GLI2: variants seen among roughly 807,000 people sequenced by gnomAD.
GLI2 encodes transcription activator GLI2.
In GLI2, 22 loss-of-function variants were observed where a neutral mutation model predicts 78.9. That is an observed-to-expected ratio of 0.28 (90% CI 0.20 to 0.40). The LOEUF is 0.40. Ranked by LOEUF, GLI2 falls within the 10% of genes least tolerant of loss-of-function variation. The pLI is 1.00. For missense variants in GLI2, 2,097 were observed against 2,213.2 expected (o/e 0.95, Z 1.05); for synonymous variants, 974 against 963.7 (o/e 1.01, Z -0.20).
chr2:120,930,209 A>AGT (rs757355406), intron 3 of GLI2, among the ~76,000 whole-genome samples: 2 of 152,202 alleles, frequency 1.3e-5, no homozygotes, highest in Non-Finnish European at 2.9e-5. Context: ...CACCACCAGA[A>AGT]GTGTAGGAAG....
At chr2:120,957,397 G>A (rs1235591139) in intron 5 of GLI2, among the ~76,000 whole-genome samples, 6 of 152,192 alleles carry the variant, frequency 3.9e-5, no homozygotes, top group Admixed American at 3.3e-4. Context: ...GCCCTACACG[G>A]TGCTCCCACA....
chr2:120,869,275 G>A (rs1688308783), intron 2 of GLI2, among the ~76,000 whole-genome samples: 1 of 152,184 alleles, frequency 6.6e-6, no homozygotes, highest in Admixed American at 6.5e-5. Context: ...TGGGCCCTGG[G>A]GGCAACAGTG....
At chr2:120,933,357 T>C (rs993084992) in intron 3 of GLI2, among the ~76,000 whole-genome samples, 1 of 152,210 alleles carries the variant, frequency 6.6e-6, no homozygotes. Flanking sequence ...GGACTCCTGC[T>C]GCAGTGTCTT....
chr2:120,906,631 C>T (rs889477997), intron 2 of GLI2, among the ~76,000 whole-genome samples: 12 of 152,094 alleles, frequency 7.9e-5, no homozygotes, highest in African/African-American at 2.7e-4. Flanking sequence ...AAGAGCTGAG[C>T]CCCCAGCTCT....
At chr2:120,823,200 C>T (rs911040860) in intron 2 of GLI2, among the ~76,000 whole-genome samples, 1 of 152,248 alleles carries the variant, frequency 6.6e-6, no homozygotes, top group Admixed American at 6.5e-5. Flanking sequence ...GGACGCTCCA[C>T]TGTAGCTAAA....
intron 1 of GLI2, among the ~76,000 whole-genome samples, chr2:120,779,323 G>A (rs1253962178): frequency 6.6e-6 from 1 of 152,162 alleles, no homozygotes; most frequent in East Asian, 1.9e-4. Flanking sequence ...TGCTGACGAA[G>A]GATCTTACAC....
chr2:120,832,650 T>C (rs1686419309), intron 2 of GLI2, among the ~76,000 whole-genome samples: 1 of 152,208 alleles, frequency 6.6e-6, no homozygotes, highest in African/African-American at 2.4e-5. Context: ...GCTGTGACTC[T>C]TTTGGAGTGT....
At chr2:120,964,180 G>A (rs1047149244) in intron 5 of GLI2, among the ~76,000 whole-genome samples, 1 of 152,230 alleles carries the variant, frequency 6.6e-6, no homozygotes, top group Non-Finnish European at 1.5e-5. Context: ...AACTCCAGGA[G>A]GTCAGGGAAG....
chr2:120,795,759 CAT>C (rs1473040903), intron 1 of GLI2, among the ~76,000 whole-genome samples: 1 of 151,942 alleles, frequency 6.6e-6, no homozygotes. Flanking sequence ...TTCTTTAAAA[CAT>C]GTGACCGGCC....
chr2:120,846,112 G>A (rs1320892470), intron 2 of GLI2, among the ~76,000 whole-genome samples: 1 of 152,200 alleles, frequency 6.6e-6, no homozygotes, highest in Non-Finnish European at 1.5e-5. Context: ...CATTTGTGGA[G>A]TGGGCCTGGT....
intron 2 of GLI2, among the ~76,000 whole-genome samples, chr2:120,825,369 G>A (rs1685998964): frequency 7.1e-6 from 1 of 141,460 alleles, no homozygotes; most frequent in African/African-American, 3.1e-5. Context: ...TGTGAGGAGT[G>A]TGCAACTGGC....
intron 5 of GLI2, among the ~76,000 whole-genome samples, chr2:120,958,404 A>G (rs894900992): frequency 2.0e-5 from 3 of 152,126 alleles, no homozygotes; most frequent in Non-Finnish European, 4.4e-5. Context: ...AGGTTCTCCC[A>G]GACCTTTTCC....
chr2:120,896,714 C>T (rs986187425), intron 2 of GLI2, among the ~76,000 whole-genome samples: 1 of 146,860 alleles, frequency 6.8e-6, no homozygotes, highest in African/African-American at 2.5e-5. Flanking sequence ...CACACACACA[C>T]ACACACACAC....
At chr2:120,972,768 CG>C in intron 8 of GLI2, 1 of 490,018 alleles carries the variant, frequency 2.0e-6, no homozygotes, top group Admixed American at 2.1e-5. Flanking sequence ...CAAGTTCAAG[CG>C]GGGAGAGAAG....
intron 2 of GLI2, among the ~76,000 whole-genome samples, chr2:120,896,908 A>G (rs1677997573): frequency 6.6e-6 from 1 of 151,860 alleles, no homozygotes; most frequent in Non-Finnish European, 1.5e-5. Context: ...GCTGAACAAA[A>G]AGTGGCGGAG....
chr2:120,904,104 C>A (rs1164846528), intron 2 of GLI2, among the ~76,000 whole-genome samples: 1 of 152,068 alleles, frequency 6.6e-6, no homozygotes, highest in Non-Finnish European at 1.5e-5. Flanking sequence ...ATGAGGACAG[C>A]CATGGGCAGT....
chr2:120,986,222 A>G (rs1343319879), intron 12 of GLI2, 56 bp from the exon 13 acceptor site: 3 of 1,505,286 alleles, frequency 2.0e-6, no homozygotes, highest in Non-Finnish European at 1.8e-6. Flanking sequence ...TAGAGGCAGG[A>G]CCAGGTGGAA....
chr2:120,819,239 ATTTT>A (rs10701244), intron 2 of GLI2, among the ~76,000 whole-genome samples: 2 of 116,748 alleles, frequency 1.7e-5, no homozygotes, highest in African/African-American at 6.7e-5. Flanking sequence ...ACTAATAGAG[ATTTT>A]TTTTTTTTTT....
At chr2:120,962,974 A>C (rs903911433) in intron 5 of GLI2, among the ~76,000 whole-genome samples, 1 of 152,212 alleles carries the variant, frequency 6.6e-6, no homozygotes, top group African/African-American at 2.4e-5. Context: ...CTTTCAGAGA[A>C]TTCACTCCTG....
Sources: gnomAD v4.1 joint callset for allele counts (sites outside exome capture counted in the v4.1 genomes callset) on GRCh38, gnomAD v4.1.1 for gene constraint, MANE v1.5 for transcripts, NCBI Gene and HGNC (gene_info 2026-07-23, HGNC 2026-07-21) for gene names.